CHD7: variants seen among roughly 807,000 people sequenced by gnomAD.
The protein encoded by CHD7 is chromodomain helicase DNA binding protein 7, also known as ATP-dependent chromatin remodeler CHD7.
CHD7 carries 24 observed loss-of-function variants against 307.3 expected under a neutral mutation model. The observed-to-expected ratio is 0.08, with a 90% CI of 0.06 to 0.11. The LOEUF is 0.11. Among genes scored for constraint, CHD7 ranks in the 10% least tolerant of loss-of-function variants. CHD7 has a pLI of 1.00. For missense variants in CHD7, 3,106 were observed against 3,727.1 expected (o/e 0.83, Z 4.34); for synonymous variants, 1,363 against 1,349.9 (o/e 1.01, Z -0.21).
In CHD7 at chr8:60,866,078, C is replaced by G. The variant is rs1355240254; in HGVS notation, c.*145C>G. The G allele has an allele frequency of 5.9e-6, 4 of 674,434 alleles. No individual in the cohort carries two copies. Among genetic ancestry groups the G allele is most frequent in the Non-Finnish European group, 1.0e-5 (4 of 395,922 alleles). The allele number at this position is 674,434 out of a possible 1,614,324, so 41.8% of individuals were successfully genotyped here. ...AAAAAAAAGTTCAAGTCATGTTATA[C>G]AGGTGTGTCAAAAGGTATCTTGGTC... On this transcript the variant is annotated 3_prime_UTR_variant, in exon 38 of 38. Coordinates refer to ENST00000423902, the MANE Select transcript of CHD7 (RefSeq NM_017780.4).
intron 1 of CHD7, among the ~76,000 whole-genome samples, chr8:60,727,278 CA>C (rs994214061): frequency 4.4e-4 from 67 of 152,234 alleles, no homozygotes; most frequent in Admixed American, 2.0e-4. Flanking sequence ...AGGCATTTGC[CA>C]CCCCTGCCCG....
At chr8:60,701,816 G>T (rs1586182946) in intron 1 of CHD7, among the ~76,000 whole-genome samples, 2 of 152,156 alleles carry the variant, frequency 1.3e-5, no homozygotes, top group African/African-American at 4.8e-5. Flanking sequence ...CACTTTTTTT[G>T]GGGAGAGGCA....
intron 2 of CHD7, among the ~76,000 whole-genome samples, chr8:60,752,729 C>T (rs566701495): frequency 1.9e-4 from 29 of 152,216 alleles, no homozygotes; most frequent in Non-Finnish European, 3.7e-4. Flanking sequence ...CATTAAAAAA[C>T]AATAATAGAA....
At chr8:60,735,071 C>T (rs931284535) in intron 1 of CHD7, among the ~76,000 whole-genome samples, 1 of 152,176 alleles carries the variant, frequency 6.6e-6, no homozygotes, top group African/African-American at 2.4e-5. Flanking sequence ...GGGAAATGCA[C>T]TGAATATGTG....
intron 1 of CHD7, among the ~76,000 whole-genome samples, chr8:60,719,107 C>T (rs979199733): frequency 6.6e-6 from 1 of 152,228 alleles, no homozygotes; most frequent in African/African-American, 2.4e-5. Flanking sequence ...ACTGTGTCCT[C>T]ATCATTAGGT....
At chr8:60,827,668 A>G (rs1484038620) in intron 13 of CHD7, among the ~76,000 whole-genome samples, 1 of 152,160 alleles carries the variant, frequency 6.6e-6, no homozygotes, top group Admixed American at 6.6e-5. Flanking sequence ...GAATACAAGC[A>G]TATTGAACTC....
chr8:60,848,388 C>T (rs1272932501), intron 23 of CHD7, 127 bp from the exon 24 acceptor site: 24 of 636,982 alleles, frequency 3.8e-5, no homozygotes, highest in Non-Finnish European at 6.2e-5. Context: ...ACGCTTCAAG[C>T]CTACCATACA....
intron 1 of CHD7, among the ~76,000 whole-genome samples, chr8:60,727,278 C>T (rs1226405881): frequency 6.6e-6 from 1 of 152,116 alleles, no homozygotes; most frequent in Non-Finnish European, 1.5e-5. Context: ...AGGCATTTGC[C>T]ACCCCTGCCC....
At chr8:60,820,129 G>A in intron 9 of CHD7, 39 bp downstream of exon 9, 1 of 1,347,570 alleles carries the variant, frequency 7.4e-7, no homozygotes, top group Non-Finnish European at 1.1e-6. Flanking sequence ...TGGTGATTCA[G>A]GCAACCCATA....
intron 2 of CHD7, among the ~76,000 whole-genome samples, chr8:60,777,445 A>G (rs1314712983): frequency 1.3e-5 from 2 of 152,248 alleles, no homozygotes; most frequent in Non-Finnish European, 2.9e-5. Context: ...AAGCCAGAAA[A>G]TGCTGATGAA....
At chr8:60,800,603 G>A in intron 5 of CHD7, 78 bp downstream of exon 5, 5 of 1,370,476 alleles carry the variant, frequency 3.6e-6, no homozygotes, top group Non-Finnish European at 4.0e-6. Flanking sequence ...TCTGAGAAGT[G>A]CAGTGGAAGC....
At chr8:60,767,433 C>T (rs1316587828) in intron 2 of CHD7, among the ~76,000 whole-genome samples, 1 of 152,130 alleles carries the variant, frequency 6.6e-6, no homozygotes, top group Non-Finnish European at 1.5e-5. Flanking sequence ...TAAATTAGTC[C>T]TTGAGGCAGA....
chr8:60,853,140 A>G lies in CHD7; in HGVS notation c.6415A>G (p.Asn2139Asp), dbSNP rs1163134257. The G allele has an allele frequency of 6.2e-7, 1 of 1,613,868 alleles. No individual in the cohort carries two copies. The highest frequency in any genetic ancestry group is 2.2e-5 in the East Asian group (1 of 44,896). ...KNFAQNRGAG[N>D]TSSLNPLAVG... ...CTTTGCTCAAAACAGAGGGGCAGGT[A>G]ATACATCTTCCTTGAACCCACTGGC... The change falls in exon 31 of 38, where the codon AAT becomes GAT. Residue 2139 changes from asparagine to aspartate, a missense_variant. Asn to Asp is a conservative substitution (Grantham distance 23). Transcript: ENST00000423902.
intron 22 of CHD7, 75 bp downstream of exon 22, chr8:60,845,138 A>G: frequency 6.3e-7 from 1 of 1,585,648 alleles, no homozygotes; most frequent in Non-Finnish European, 8.6e-7. Flanking sequence ...CTGTTGATAA[A>G]GAGATGTGAC....
chr8:60,821,546 A>C (rs939912519), intron 9 of CHD7, among the ~76,000 whole-genome samples: 1 of 145,546 alleles, frequency 6.9e-6, no homozygotes, highest in Non-Finnish European at 1.5e-5. Flanking sequence ...GTATATATGT[A>C]TATATATAAG....
chr8:60,679,103 G>A (rs1805424613), intron 1 of CHD7, 21 bp downstream of exon 1: 1 of 157,250 alleles, frequency 6.4e-6, no homozygotes, highest in East Asian at 1.9e-4. Flanking sequence ...GAGTTCGCCC[G>A]GCGCCCCCGG....
intron 13 of CHD7, among the ~76,000 whole-genome samples, chr8:60,826,683 A>T (rs1228398217): frequency 6.6e-6 from 1 of 152,206 alleles, no homozygotes; most frequent in Non-Finnish European, 1.5e-5. Flanking sequence ...AAGATGATAC[A>T]TTGAGGGGCA....
chr8:60,805,930 A>G (rs1812518302), intron 6 of CHD7, among the ~76,000 whole-genome samples: 1 of 152,202 alleles, frequency 6.6e-6, no homozygotes, highest in Non-Finnish European at 1.5e-5. Flanking sequence ...TTTGAGTTCC[A>G]TTCTTGATTT....
chr8:60,847,467 G>T (rs184352534), intron 23 of CHD7, among the ~76,000 whole-genome samples: 11 of 152,148 alleles, frequency 7.2e-5, no homozygotes, highest in African/African-American at 2.7e-4. Flanking sequence ...TAGGGTTATC[G>T]TGAAGATCAA....
Sources: gnomAD v4.1 joint callset for allele counts (sites outside exome capture counted in the v4.1 genomes callset) on GRCh38, gnomAD v4.1.1 for gene constraint, MANE v1.5 for transcripts, NCBI Gene and HGNC (gene_info 2026-07-23, HGNC 2026-07-21) for gene names.